The following LRRC37A3 variants were observed in gnomAD, a reference collection of about 807,000 sequenced individuals.
LRRC37A3 encodes leucine rich repeat containing 37 member A3, also known as leucine-rich repeat-containing protein 37A3.
A neutral mutation model predicts 106.2 loss-of-function variants in LRRC37A3; 25 were observed. The observed-to-expected ratio is 0.24, with a 90% confidence interval of 0.17 to 0.33. The LOEUF (loss-of-function observed/expected upper bound fraction) is 0.33. Among genes scored for constraint, LRRC37A3 ranks in the 10% least tolerant of loss-of-function variants. LRRC37A3 has a pLI of 1.00. For synonymous variants in LRRC37A3, 305 were observed against 635.8 expected, an observed-to-expected ratio of 0.48 and a Z score of 7.83; for missense variants, 712 against 1,644.9, an observed-to-expected ratio of 0.43 and a Z score of 9.81.
intron 2 of LRRC37A3, among the ~76,000 whole-genome samples, chr17:64,908,936 T>A (rs1249872543): frequency 6.6e-6 from 1 of 151,120 alleles, no homozygotes; most frequent in Non-Finnish European, 1.5e-5. Context: ...CATGCCCAGC[T>A]AATTTTTTTT....
chr17:64,897,810 T>C (rs1974181812), intron 3 of LRRC37A3, 156 bp from the exon 4 acceptor site: 1 of 203,442 alleles, frequency 4.9e-6, no homozygotes, highest in Admixed American at 1.2e-4. Flanking sequence ...GTAGGAGGGG[T>C]GTTGGGAGTT....
At chr17:64,901,368 T>C (rs1423921903) in intron 2 of LRRC37A3, 7 of 150,214 alleles carry the variant, frequency 4.7e-5, no homozygotes, top group African/African-American at 1.3e-4. Flanking sequence ...ACTGGGCTAG[T>C]AGACACTTCA....
At chr17:64,880,973 T>C (rs1973681399) in intron 8 of LRRC37A3, 1 of 615,992 alleles carries the variant, frequency 1.6e-6, no homozygotes, top group Non-Finnish European at 2.9e-6. Context: ...AAATGATCTA[T>C]GCTAGAATCC....
intron 10 of LRRC37A3, 70 bp from the exon 11 acceptor site, chr17:64,863,088 A>C: frequency 1.9e-6 from 3 of 1,582,030 alleles, no homozygotes; most frequent in Non-Finnish European, 2.6e-6. Flanking sequence ...GGAGGCAGCC[A>C]ACACTACCAC....
At chr17:64,872,900 G>C (rs1322174589) in intron 8 of LRRC37A3, among the ~76,000 whole-genome samples, 4 of 152,156 alleles carry the variant, frequency 2.6e-5, no homozygotes, top group African/African-American at 9.6e-5. Context: ...AGGCATGGCT[G>C]TAAATTGTCT....
intron 13 of LRRC37A3, among the ~76,000 whole-genome samples, 197 bp from the exon 14 acceptor site, chr17:64,856,086 G>A (rs1335106278): frequency 6.6e-6 from 1 of 152,022 alleles, no homozygotes; most frequent in Non-Finnish European, 1.5e-5. Flanking sequence ...CGGGGGATTG[G>A]TTCTAGGATA....
chr17:64,866,620 ATATATATATTTT>A (rs1214502685), intron 10 of LRRC37A3, among the ~76,000 whole-genome samples: 1 of 24,980 alleles, frequency 4.0e-5, no homozygotes, highest in African/African-American at 2.1e-4. Context: ...ATATATATAT[ATATATATATTTT>A]TTTTTTTTTT....
intron 10 of LRRC37A3, 135 bp downstream of exon 10, chr17:64,868,327 A>G (rs1973188646): frequency 3.1e-6 from 2 of 636,144 alleles, no homozygotes; most frequent in East Asian, 5.6e-5. Context: ...TGTCAGACTC[A>G]TCAAACTGTA....
At chr17:64,916,222 G>A (rs1208741315) in intron 2 of LRRC37A3, among the ~76,000 whole-genome samples, 1 of 151,912 alleles carries the variant, frequency 6.6e-6, no homozygotes, top group African/African-American at 2.4e-5. Context: ...TGGCTAACAT[G>A]GTGAAACCCC....
intron 10 of LRRC37A3, among the ~76,000 whole-genome samples, chr17:64,865,548 T>A (rs1444683213): frequency 1.3e-5 from 2 of 152,250 alleles, no homozygotes; most frequent in South Asian, 2.1e-4. Flanking sequence ...AACACCTGTA[T>A]AACTTTCATC....
At chr17:64,855,817 A>T in intron 14 of LRRC37A3, 23 bp downstream of exon 14, 2 of 1,611,542 alleles carry the variant, frequency 1.2e-6, no homozygotes, top group Non-Finnish European at 1.7e-6. Flanking sequence ...AAAAGAAAAA[A>T]AAATCACCAG....
chr17:64,869,127 T>A lies in LRRC37A3; in HGVS notation c.2946A>T (p.Pro982=), dbSNP rs1471207979. The change falls in exon 9 of 15, where the codon CCA becomes CCT. Residue 982 remains proline, a synonymous_variant. Transcript: ENST00000584306. ...NHNPLTTVED[P]YLFKLPALKY... ...TTAATGCTGGCAATTTAAAGAGATA[T>A]GGATCTTCAACAGTTGTCAGAGGAT... The A allele has an allele frequency of 1.9e-6, 3 of 1,613,044 alleles. No homozygotes were observed. Among genetic ancestry groups the A allele is most frequent in the Non-Finnish European group, 2.5e-6 (3 of 1,179,576 alleles).
chr17:64,910,534 A>T (rs187374760), intron 2 of LRRC37A3, among the ~76,000 whole-genome samples: 173 of 150,574 alleles, frequency 1.1e-3, no homozygotes, highest in African/African-American at 4.0e-3. Flanking sequence ...ACCACTGTAG[A>T]TTTTTCAGAG....
intron 13 of LRRC37A3, among the ~76,000 whole-genome samples, chr17:64,857,289 T>C (rs1315960115): frequency 1.3e-5 from 2 of 152,158 alleles, no homozygotes; most frequent in Admixed American, 6.5e-5. Flanking sequence ...ATGAAGAATT[T>C]AGGAACAAAA....
chr17:64,914,947 A>C (rs1450807005), intron 2 of LRRC37A3, among the ~76,000 whole-genome samples: 2 of 151,320 alleles, frequency 1.3e-5, no homozygotes, highest in Non-Finnish European at 2.9e-5. Context: ...TTTCATGGAG[A>C]TAGGCAGTAG....
intron 2 of LRRC37A3, among the ~76,000 whole-genome samples, chr17:64,917,194 C>T (rs377173517): frequency 7.4e-6 from 1 of 135,378 alleles, no homozygotes; most frequent in Admixed American, 8.6e-5. Context: ...TGCAGTGAGC[C>T]GAGATCGCGC....
chr17:64,917,804 T>C (rs1222315086), intron 2 of LRRC37A3, among the ~76,000 whole-genome samples: 1 of 149,964 alleles, frequency 6.7e-6, no homozygotes, highest in Admixed American at 6.6e-5. Context: ...CTGTCTCTAC[T>C]GAAAATACCA....
At chr17:64,899,786 C>G (rs1974255216) in intron 2 of LRRC37A3, 1 of 149,518 alleles carries the variant, frequency 6.7e-6, no homozygotes, top group Non-Finnish European at 1.5e-5. Flanking sequence ...CGGGGGGAGA[C>G]TAACCCCTCT....
At chr17:64,878,419 T>A (rs984839737) in intron 8 of LRRC37A3, among the ~76,000 whole-genome samples, 1 of 152,204 alleles carries the variant, frequency 6.6e-6, no homozygotes, top group Non-Finnish European at 1.5e-5. Context: ...AGAGAAAATA[T>A]TGGCAAATTA....
Sources: allele counts gnomAD v4.1 joint callset (sites outside exome capture counted in the v4.1 genomes callset), GRCh38; gene constraint gnomAD v4.1.1; transcripts MANE v1.5; gene names NCBI Gene and HGNC (gene_info 2026-07-23, HGNC 2026-07-21).